Variants in ECT2L observed in about 807,000 individuals in gnomAD.
The protein encoded by ECT2L is epithelial cell transforming 2 like, also known as epithelial cell-transforming sequence 2 oncogene-like.
ECT2L carries 126 observed loss-of-function variants against 122.8 expected under a neutral mutation model. The ratio of observed to expected loss-of-function variants is 1.03; its 90% confidence interval spans 0.89 to 1.19. ECT2L has a LOEUF of 1.19. Among genes scored for constraint, ECT2L ranks in the 50% most tolerant of loss-of-function variants. ECT2L has a pLI of 0.00. For missense variants in ECT2L, 1,012 were observed against 1,064.1 expected (o/e 0.95, Z 0.68); for synonymous variants, 385 against 381.8 (o/e 1.01, Z -0.10).
At position 138,885,654 on chromosome 6, in the gene ECT2L, C is replaced by T. The variant is rs747649159; in HGVS notation, c.2103-20C>T. The T allele has an allele frequency of 1.5e-5, 25 of 1,613,736 alleles. No individual in the cohort carries two copies. Among genetic ancestry groups the T allele is most frequent in the Non-Finnish European group, 1.9e-5 (23 of 1,179,856 alleles). On this transcript the variant is annotated intron_variant, in intron 17 of 21. Coordinates refer to ENST00000541398, the MANE Select transcript of ECT2L (RefSeq NM_001077706.3). ...CTGGGCCTTCAGAGACCAGAGCTCC[C>T]TTCTCTATGCCTCATACAGCCTGCC...
At chr6:138,842,467 A>G (rs1777072568) in intron 5 of ECT2L, among the ~76,000 whole-genome samples, 1 of 150,204 alleles carries the variant, frequency 6.7e-6, no homozygotes, top group Admixed American at 6.6e-5. Flanking sequence ...TCTCAAAAAA[A>G]AAACATAGAA....
chr6:138,881,115 T>G lies in ECT2L; in HGVS notation c.1824T>G (p.Ser608Arg). Residue 608 changes from serine to arginine, a missense_variant, in exon 15 of 22, where the codon AGT becomes AGG. Transcript: ENST00000541398. ...TGTCATCAAACAGAGCGATTCTGAGTGCTGCCAATATCCAGATCATTTTCT... is the reference window on the plus strand; with the variant it reads ...TGTCATCAAACAGAGCGATTCTGAGGGCTGCCAATATCCAGATCATTTTCT... ...AALSSNRAILSAANIQIIFCD... is the reference protein window; with the variant it reads ...AALSSNRAILRAANIQIIFCD... 6.2e-7 allele frequency: 1 copy of G among 1,614,144 alleles called. No homozygotes were observed. The highest frequency in any genetic ancestry group is 8.5e-7 in the Non-Finnish European group (1 of 1,180,026).
intron 1 of ECT2L, among the ~76,000 whole-genome samples, chr6:138,807,128 T>TA (rs1275014368): frequency 6.6e-6 from 1 of 150,944 alleles, no homozygotes; most frequent in Admixed American, 6.6e-5. Context: ...TTTTTTTTTT[T>TA]AACTCCACTA....
At chr6:138,869,679 CTAAT>C (rs1024373258) in intron 13 of ECT2L, among the ~76,000 whole-genome samples, 20 of 152,140 alleles carry the variant, frequency 1.3e-4, no homozygotes, top group African/African-American at 4.3e-4. Flanking sequence ...TTATTTCCAC[CTAAT>C]TATTTAAAAA....
intron 11 of ECT2L, among the ~76,000 whole-genome samples, chr6:138,863,600 G>C (rs752216234): frequency 1.3e-5 from 2 of 151,668 alleles, no homozygotes; most frequent in African/African-American, 2.4e-5. Flanking sequence ...TGGTAATAGG[G>C]AACAGGTTTT....
intron 4 of ECT2L, among the ~76,000 whole-genome samples, chr6:138,827,714 AC>A (rs1248266385): frequency 6.6e-6 from 1 of 152,044 alleles, no homozygotes; most frequent in Non-Finnish European, 1.5e-5. Context: ...GCATGCCACC[AC>A]ACCCAGCTAA....
intron 20 of ECT2L, among the ~76,000 whole-genome samples, chr6:138,890,473 C>T (rs1042088159): frequency 9.8e-6 from 1 of 102,194 alleles, no homozygotes; most frequent in African/African-American, 3.8e-5. Flanking sequence ...ATTGTCATGA[C>T]ATTTTTGTTT....
intron 12 of ECT2L, among the ~76,000 whole-genome samples, chr6:138,866,425 A>G (rs1778042428): frequency 6.6e-6 from 1 of 152,022 alleles, no homozygotes; most frequent in Non-Finnish European, 1.5e-5. Flanking sequence ...TAATTTTTGC[A>G]TTTTTAGTAG....
At chr6:138,844,382 C>A in intron 6 of ECT2L, 30 bp from the exon 7 acceptor site, 1 of 1,605,140 alleles carries the variant, frequency 6.2e-7, no homozygotes, top group South Asian at 1.1e-5. Flanking sequence ...ATGAAGTAAT[C>A]AGCCCCGCCT....
chr6:138,860,539 C>T (rs1205453702), intron 10 of ECT2L, among the ~76,000 whole-genome samples: 1 of 152,090 alleles, frequency 6.6e-6, no homozygotes, highest in Non-Finnish European at 1.5e-5. Flanking sequence ...ACATCCCAAA[C>T]TTTCAGCTGC....
chr6:138,811,800 T>C (rs1051470572), intron 1 of ECT2L, among the ~76,000 whole-genome samples: 3 of 152,144 alleles, frequency 2.0e-5, no homozygotes, highest in Admixed American at 6.5e-5. Context: ...TGCCTCAGCC[T>C]CCGAAGTAGC....
intron 12 of ECT2L, among the ~76,000 whole-genome samples, chr6:138,867,238 T>C (rs898697340): frequency 4.6e-5 from 7 of 152,212 alleles, no homozygotes; most frequent in African/African-American, 1.4e-4. Flanking sequence ...TACATTTCAT[T>C]CAATATCAGC....
intron 7 of ECT2L, 77 bp downstream of exon 7, chr6:138,844,657 C>T: frequency 7.3e-7 from 1 of 1,377,772 alleles, no homozygotes; most frequent in Non-Finnish European, 1.0e-6. Flanking sequence ...ATTTAGCTAT[C>T]ACGCAGAAAT....
At position 138,885,775 on chromosome 6, in the gene ECT2L, G is replaced by T; in HGVS notation, c.2204G>T (p.Gly735Val). The change falls in exon 18 of 22, where the codon GGG (glycine) becomes GTG (valine). Residue 735 changes from glycine to valine, a missense_variant. Coordinates refer to ENST00000541398, the MANE Select transcript of ECT2L (RefSeq NM_001077706.3). ...LHTPAEHVDRGDLTTAIDQIK... is the reference protein window; with the variant it reads ...LHTPAEHVDRVDLTTAIDQIK... ...ACCCCTGCAGAGCATGTTGACCGTGGGGACTTGACCACTGCAATTGACCAA... is the reference window on the plus strand; with the variant it reads ...ACCCCTGCAGAGCATGTTGACCGTGTGGACTTGACCACTGCAATTGACCAA... 6.2e-7 allele frequency: 1 copy of T among 1,614,140 alleles called. No individual in the cohort carries two copies. The highest frequency in any genetic ancestry group is 1.1e-5 in the South Asian group (1 of 91,076).
At chr6:138,859,942 G>A (rs1431401634) in intron 10 of ECT2L, among the ~76,000 whole-genome samples, 2 of 151,918 alleles carry the variant, frequency 1.3e-5, no homozygotes, top group Non-Finnish European at 2.9e-5. Flanking sequence ...AGCCTCCTGA[G>A]TAGCTGGGAT....
chr6:138,825,482 C>A (rs1265110615), intron 4 of ECT2L, among the ~76,000 whole-genome samples: 1 of 152,044 alleles, frequency 6.6e-6, no homozygotes, highest in African/African-American at 2.4e-5. Flanking sequence ...GCTGGAGAGG[C>A]TGAGGCAGGA....
chr6:138,899,920 A>G (rs1779342275), intron 20 of ECT2L, among the ~76,000 whole-genome samples: 1 of 152,228 alleles, frequency 6.6e-6, no homozygotes, highest in Non-Finnish European at 1.5e-5. Context: ...AATAACCCAC[A>G]CTAGAGCACA....
intron 14 of ECT2L, chr6:138,879,554 T>C (rs186206411): frequency 5.3e-5 from 8 of 152,290 alleles, no homozygotes; most frequent in Admixed American, 5.2e-4. Flanking sequence ...AATTATCTAG[T>C]ACCAGCAATA....
intron 20 of ECT2L, among the ~76,000 whole-genome samples, chr6:138,889,434 G>A (rs993379899): frequency 5.9e-5 from 9 of 151,672 alleles, no homozygotes; most frequent in Non-Finnish European, 5.9e-5. Flanking sequence ...ATTCTCCTGC[G>A]TCAGCCTTCC....
Sources: allele counts gnomAD v4.1 joint callset (sites outside exome capture counted in the v4.1 genomes callset), GRCh38; gene constraint gnomAD v4.1.1; transcripts MANE v1.5; gene names NCBI Gene and HGNC (gene_info 2026-07-23, HGNC 2026-07-21).